The following ACSL1 variants were observed in gnomAD, a reference collection of about 807,000 sequenced individuals.
ACSL1 encodes long-chain-fatty-acid--CoA ligase 1.
A neutral mutation model predicts 98.4 loss-of-function variants in ACSL1; 41 were observed. That is an observed-to-expected ratio of 0.42 (90% CI 0.32 to 0.54). The LOEUF (loss-of-function observed/expected upper bound fraction) is 0.54, where lower values mean the gene tolerates loss of function less well. Ranked by LOEUF, ACSL1 falls within the 20% of genes least tolerant of loss-of-function variation. The pLI is 0.13. For synonymous variants in ACSL1, 316 were observed against 322.7 expected (o/e 0.98, Z 0.22); for missense variants, 734 against 883.1 (o/e 0.83, Z 2.14).
At chr4:184,794,758 G>A (rs1027173102) in intron 2 of ACSL1, among the ~76,000 whole-genome samples, 3 of 152,142 alleles carry the variant, frequency 2.0e-5, no homozygotes, top group African/African-American at 7.2e-5. Flanking sequence ...CACCTCCTTC[G>A]TCTGTGTGTG....
chr4:184,814,916 A>T (rs1183868632), intron 1 of ACSL1: 1 of 395,786 alleles, frequency 2.5e-6, no homozygotes, highest in South Asian at 1.8e-5. Flanking sequence ...CAAAAAAAGA[A>T]GCAACACTCT....
chr4:184,766,652 C>T lies in ACSL1; in HGVS notation c.1233G>A (p.Leu411=), dbSNP rs749185265. 6.8e-6 allele frequency: 11 copies of T among 1,614,190 alleles called. No individual in the cohort carries two copies. Among genetic ancestry groups the T allele is most frequent in the South Asian group, 5.5e-5 (5 of 91,086 alleles). Reference sequence around the variant, plus strand: ...CTTTGTGGAAGATCAGCCGGTCCCACAGGCTGTTGTTTCTGATGATGCCGC... The same window carrying T: ...CTTTGTGGAAGATCAGCCGGTCCCATAGGCTGTTGTTTCTGATGATGCCGC... The part of the protein sequence containing the change: ...LRSGIIRNNS[L]WDRLIFHKVQ... The change falls in exon 13 of 21, where the codon CTG becomes CTA. Residue 411 remains leucine, a synonymous_variant. Transcript: ENST00000281455. This position sits in a 1 kb window ranked among gnomAD's most constrained non-coding sequence, Gnocchi z 4.8.
At chr4:184,770,509 C>T (rs1764329082) in intron 10 of ACSL1, 33 bp from the exon 11 acceptor site, 1 of 1,494,206 alleles carries the variant, frequency 6.7e-7, no homozygotes, top group Admixed American at 1.8e-5. Flanking sequence ...GGCAGAAAAG[C>T]ATTAAGACTC....
At chr4:184,786,170 T>G (rs892829049) in intron 3 of ACSL1, among the ~76,000 whole-genome samples, 2 of 152,218 alleles carry the variant, frequency 1.3e-5, no homozygotes, top group African/African-American at 2.4e-5. Flanking sequence ...TTTTTATCAA[T>G]TGTTCCTAAA....
chr4:184,803,289 A>G lies in ACSL1; in HGVS notation c.195+31T>C. ...GCTCATCTGGGGAAATGCGGAGAAA[A>G]CGCACGAGGCAGGCTGGGCCCTCCA... On this transcript the variant is annotated intron_variant, in intron 2 of 20. Transcript: ENST00000281455. The surrounding 1 kb of genome is among the most constrained non-coding windows in gnomAD (Gnocchi z 4.8). The G allele has an allele frequency of 6.7e-7, 1 of 1,495,106 alleles. No individual in the cohort carries two copies. The highest frequency in any genetic ancestry group is 1.8e-4 in the Middle Eastern group (1 of 5,566). The allele number at this position is 1,495,106 out of a possible 1,614,324, so 92.6% of individuals were successfully genotyped here. A position where few individuals can be genotyped will look rare whatever the true frequency, so the allele number is the denominator to read the frequency against.
intron 11 of ACSL1, among the ~76,000 whole-genome samples, chr4:184,770,065 C>T (rs1764258881): frequency 1.3e-5 from 2 of 152,174 alleles, no homozygotes; most frequent in Non-Finnish European, 2.9e-5. Context: ...GTTGGTTTTT[C>T]TGGACTCATG....
intron 17 of ACSL1, 21 bp downstream of exon 17, chr4:184,762,386 C>T: frequency 6.3e-7 from 1 of 1,583,106 alleles, no homozygotes; most frequent in Middle Eastern, 1.7e-4. Context: ...CTGTTTGTGA[C>T]CTGAGGAGGC....
At chr4:184,778,985 T>C (rs554721639) in intron 5 of ACSL1, among the ~76,000 whole-genome samples, 11 of 152,136 alleles carry the variant, frequency 7.2e-5, no homozygotes, top group African/African-American at 2.6e-4. Context: ...AGTCAGCATG[T>C]CTTCTGGACA....
chr4:184,771,600 G>C (rs188733128), intron 10 of ACSL1, among the ~76,000 whole-genome samples: 20 of 152,216 alleles, frequency 1.3e-4, no homozygotes, highest in South Asian at 8.3e-4. Flanking sequence ...CCTTACTTAG[G>C]GCAGGCACAG....
intron 2 of ACSL1, among the ~76,000 whole-genome samples, chr4:184,789,479 A>C (rs913482379): frequency 4.6e-5 from 7 of 152,228 alleles, no homozygotes; most frequent in African/African-American, 1.4e-4. Flanking sequence ...GCGCAATATC[A>C]TCTGTTAGAA....
In ACSL1 at chr4:184,757,197, C is replaced by T; in HGVS notation, c.2025G>A (p.Lys675=). The change falls in exon 21 of 21, where the codon AAG becomes AAA. Residue 675 remains lysine, a synonymous_variant. Transcript: ENST00000281455. The surrounding 1 kb of genome is among the most constrained non-coding windows in gnomAD (Gnocchi z 4.5). ...IDNGLLTPTM[K]AKRPELRNYF... is the part of the protein sequence containing the mutation. Reference sequence around the variant, plus strand: ...AGTTCCGCAGCTCTGGCCTTTTCGCCTTCATTGTTGGAGTCAGAAGGCCAT... The same window carrying T: ...AGTTCCGCAGCTCTGGCCTTTTCGCTTTCATTGTTGGAGTCAGAAGGCCAT... 1 of 1,610,498 alleles carries T rather than the reference C, an allele frequency of 6.2e-7. No homozygotes were observed. The highest frequency in any genetic ancestry group is 8.5e-7 in the Non-Finnish European group (1 of 1,176,948).
chr4:184,783,135 G>A (rs532954856), intron 4 of ACSL1, among the ~76,000 whole-genome samples: 13 of 152,280 alleles, frequency 8.5e-5, no homozygotes, highest in African/African-American at 2.9e-4. Flanking sequence ...GGTGCCGTGT[G>A]GACTGGGGAA....
intron 2 of ACSL1, among the ~76,000 whole-genome samples, chr4:184,793,698 G>A (rs1182727608): frequency 2.0e-5 from 3 of 152,224 alleles, no homozygotes; most frequent in African/African-American, 4.8e-5. Flanking sequence ...GTAGAAGGGG[G>A]AGAGGCAGAG....
intron 1 of ACSL1, chr4:184,805,677 C>G (rs375144954): frequency 1.6e-5 from 3 of 191,412 alleles, no homozygotes; most frequent in Admixed American, 6.5e-5. Flanking sequence ...ACATGCCGAG[C>G]CCCACGCTGC....
intron 5 of ACSL1, 76 bp from the exon 6 acceptor site, chr4:184,777,059 G>T: frequency 7.6e-7 from 1 of 1,312,670 alleles, no homozygotes; most frequent in Non-Finnish European, 1.1e-6. Context: ...ATACTCAAGA[G>T]AGATTCAAAG....
At chr4:184,812,014 A>G (rs1267612112) in intron 1 of ACSL1, 11 of 234,180 alleles carry the variant, frequency 4.7e-5, no homozygotes, top group Non-Finnish European at 7.0e-5. Flanking sequence ...GCCCTCCTTC[A>G]TGTGGGAGGA....
rs12504478 is a variant in ACSL1, at chr4:184,825,411, C to G, written c.-33+505G>C. Reference sequence around the variant, plus strand: ...TGAGCTGCCTGTGGGCCTCGTGCCGCCGCGCTGCGTGGGGCCGGCATCTCA... The same window carrying G: ...TGAGCTGCCTGTGGGCCTCGTGCCGGCGCGCTGCGTGGGGCCGGCATCTCA... On this transcript the variant is annotated intron_variant, in intron 1 of 20. Coordinates refer to ENST00000281455, the MANE Select transcript of ACSL1 (RefSeq NM_001995.5). This position sits in a 1 kb window ranked among gnomAD's most constrained non-coding sequence, Gnocchi z 4.7. 0.2 allele frequency: 46,855 copies of G among 238,118 alleles called. 5,669 individuals carry two copies. Among genetic ancestry groups the G allele is most frequent in the East Asian group, 0.52 (2,791 of 5,396 alleles). 14.8% of individuals were successfully genotyped at this position (238,118 alleles called of 1,614,324 possible).
chr4:184,811,287 T>G (rs189566227), intron 1 of ACSL1, among the ~76,000 whole-genome samples: 2 of 151,742 alleles, frequency 1.3e-5, no homozygotes, highest in Admixed American at 1.3e-4. Context: ...TTTTTTTTTG[T>G]ATTTTTAGTA....
rs552175907 is a variant in ACSL1 at position 184,814,038 on chromosome 4, C to A, written c.-32-10492G>T. 27 of 370,598 alleles carry A rather than the reference C, an allele frequency of 7.3e-5. No individual in the cohort carries two copies. In the Admixed American group the frequency reaches 7.9e-4, roughly 11 times the overall value. 23.0% of individuals were successfully genotyped at this position (370,598 alleles called of 1,614,324 possible). On this transcript the variant is annotated intron_variant, in intron 1 of 20. Coordinates refer to ENST00000281455, the MANE Select transcript of ACSL1 (RefSeq NM_001995.5). ...GGGCACAGTGGCTCACGCCTGTAAT[C>A]CCAGCACTTAGAGAGGCCGAGGCGG...
Sources: allele counts gnomAD v4.1 joint callset (sites outside exome capture counted in the v4.1 genomes callset), GRCh38; gene constraint gnomAD v4.1.1; non-coding constraint Gnocchi (gnomAD v3.1); transcripts MANE v1.5; gene names NCBI Gene and HGNC (gene_info 2026-07-23, HGNC 2026-07-21).